The following PDE10A variants were observed in gnomAD, a reference collection of about 807,000 sequenced individuals.
PDE10A encodes the protein cAMP and cAMP-inhibited cGMP 3',5'-cyclic phosphodiesterase 10A.
In PDE10A, 39 loss-of-function variants were observed where a neutral mutation model predicts 97.7. The ratio of observed to expected loss-of-function variants is 0.40; its 90% CI spans 0.31 to 0.52. The LOEUF is 0.52. PDE10A is among the 20% of genes least tolerant of loss of function. The probability of loss-of-function intolerance (pLI) is 0.56; values close to 1 mark genes in which losing one functional copy is unlikely to be tolerated. For missense variants in PDE10A, 731 were observed against 1,047.8 expected, an observed-to-expected ratio of 0.70 and a Z score of 4.17; for synonymous variants, 371 against 376.8, an observed-to-expected ratio of 0.98 and a Z score of 0.18.
At chr6:165,948,120 G>T (rs1324229809) in intron 1 of PDE10A, 1 of 150,996 alleles carries the variant, frequency 6.6e-6, no homozygotes, top group Admixed American at 6.6e-5. Context: ...TATATATAGA[G>T]AGAGAGTGTC....
intron 2 of PDE10A, among the ~76,000 whole-genome samples, chr6:165,534,681 A>G (rs1291677083): frequency 6.6e-6 from 1 of 152,164 alleles, no homozygotes; most frequent in Admixed American, 6.5e-5. Flanking sequence ...TCACATTAAT[A>G]GAATGAGACA....
At chr6:165,379,940 C>T (rs1784834705) in intron 17 of PDE10A, among the ~76,000 whole-genome samples, 1 of 152,162 alleles carries the variant, frequency 6.6e-6, no homozygotes, top group African/African-American at 2.4e-5. Context: ...GAGTACCTTT[C>T]CCTACAACAC....
intron 1 of PDE10A, among the ~76,000 whole-genome samples, chr6:165,641,909 C>T (rs565347761): frequency 6.6e-5 from 10 of 152,340 alleles, no homozygotes; most frequent in East Asian, 1.9e-4. Context: ...GTACCTCCCA[C>T]GGCAGCCCCG....
chr6:165,712,366 G>A (rs781002964), intron 1 of PDE10A, among the ~76,000 whole-genome samples: 2 of 152,178 alleles, frequency 1.3e-5, no homozygotes, highest in Non-Finnish European at 2.9e-5. Context: ...CCCTCCTGAT[G>A]TGTGCATGTG....
chr6:165,729,073 A>G (rs1308776376), intron 1 of PDE10A, among the ~76,000 whole-genome samples: 1 of 152,016 alleles, frequency 6.6e-6, no homozygotes, highest in Non-Finnish European at 1.5e-5. Context: ...GTGGTGACAT[A>G]TTCCTGTGGT....
intron 1 of PDE10A, among the ~76,000 whole-genome samples, chr6:165,608,062 GTATATA>G (rs950404218): frequency 6.9e-6 from 1 of 145,956 alleles, no homozygotes. Flanking sequence ...GTATATATAT[GTATATA>G]TATATGTATA....
At chr6:165,594,074 C>T (rs2128387725) in intron 1 of PDE10A, among the ~76,000 whole-genome samples, 1 of 152,300 alleles carries the variant, frequency 6.6e-6, no homozygotes, top group South Asian at 2.1e-4. Context: ...CATTATAACT[C>T]ATCATTTAAA....
chr6:165,976,599 C>T (rs1784851075), intron 1 of PDE10A, among the ~76,000 whole-genome samples: 1 of 152,182 alleles, frequency 6.6e-6, no homozygotes, highest in South Asian at 2.1e-4. Context: ...CTGACTCTGG[C>T]TACCACTTCA....
At chr6:165,626,173 T>C (rs1323325908) in intron 1 of PDE10A, among the ~76,000 whole-genome samples, 1 of 152,112 alleles carries the variant, frequency 6.6e-6, no homozygotes, top group Admixed American at 6.6e-5. Flanking sequence ...AAGAGGAAAT[T>C]CTTAGTTCTC....
chr6:165,881,750 A>G (rs1781485532), intron 1 of PDE10A, among the ~76,000 whole-genome samples: 1 of 152,016 alleles, frequency 6.6e-6, no homozygotes, highest in African/African-American at 2.4e-5. Flanking sequence ...GACTAAATAC[A>G]CAGAGTGAAG....
intron 1 of PDE10A, among the ~76,000 whole-genome samples, chr6:165,840,666 C>G (rs1223947214): frequency 6.6e-6 from 1 of 152,212 alleles, no homozygotes; most frequent in Non-Finnish European, 1.5e-5. Flanking sequence ...TACTGTAGGA[C>G]ACAGCACTCG....
At chr6:165,726,708 C>T (rs1384144445) in intron 1 of PDE10A, among the ~76,000 whole-genome samples, 4 of 152,340 alleles carry the variant, frequency 2.6e-5, no homozygotes, top group South Asian at 2.1e-4. Flanking sequence ...AACCAGCTTC[C>T]TGGGGCCAAG....
chr6:165,379,087 A>C, intron 18 of PDE10A, 107 bp downstream of exon 18: 5 of 687,396 alleles, frequency 7.3e-6, no homozygotes, highest in Non-Finnish European at 9.7e-6. Context: ...TAAATTTTTT[A>C]CATTCCTTCT....
chr6:165,424,343 G>A (rs901579799), intron 10 of PDE10A, among the ~76,000 whole-genome samples: 1 of 152,158 alleles, frequency 6.6e-6, no homozygotes, highest in Non-Finnish European at 1.5e-5. Context: ...AGGCTGTGAA[G>A]GGTTTTGCTC....
At chr6:165,956,204 A>T (rs185388818) in intron 1 of PDE10A, among the ~76,000 whole-genome samples, 1 of 152,344 alleles carries the variant, frequency 6.6e-6, no homozygotes, top group East Asian at 1.9e-4. Flanking sequence ...ACTAATCTAC[A>T]TTATGCAAAT....
chr6:165,632,373 G>A (rs1022488502), intron 1 of PDE10A, among the ~76,000 whole-genome samples: 3 of 152,080 alleles, frequency 2.0e-5, no homozygotes, highest in Non-Finnish European at 2.9e-5. Context: ...GACTGTGACA[G>A]CAAACATCAA....
chr6:165,713,265 G>A (rs748148015), intron 1 of PDE10A, among the ~76,000 whole-genome samples: 12 of 152,192 alleles, frequency 7.9e-5, no homozygotes, highest in Non-Finnish European at 1.6e-4. Context: ...CACCTGCAGT[G>A]TGAATTTACA....
chr6:165,572,291 T>A (rs1363148318), intron 1 of PDE10A, among the ~76,000 whole-genome samples: 1 of 152,206 alleles, frequency 6.6e-6, no homozygotes, highest in African/African-American at 2.4e-5. Flanking sequence ...ACTTACAGAA[T>A]TACTGAAATA....
intron 2 of PDE10A, among the ~76,000 whole-genome samples, chr6:165,494,307 C>A (rs765720055): frequency 1.3e-4 from 20 of 151,938 alleles, no homozygotes; most frequent in Non-Finnish European, 2.4e-4. Flanking sequence ...ATCCAGCAAT[C>A]CCATTCCTGG....
Sources: gnomAD v4.1 joint callset for allele counts (sites outside exome capture counted in the v4.1 genomes callset) on GRCh38, gnomAD v4.1.1 for gene constraint, MANE v1.5 for transcripts, NCBI Gene and HGNC (gene_info 2026-07-23, HGNC 2026-07-21) for gene names.